PABPC4L: variants seen among roughly 807,000 people sequenced by gnomAD.
PABPC4L encodes the protein polyadenylate-binding protein 4-like.
For synonymous variants in PABPC4L, 169 were observed against 164.1 expected (o/e 1.03, Z -0.23); for missense variants, 452 against 451.4 (o/e 1.00, Z -0.01).
At chr4:134,065,340 T>TG in the PABPC4L span, among the ~76,000 whole-genome samples, 106,801 of 151,778 alleles carry the variant, frequency 0.7, 37,999 homozygotes, top group East Asian at 0.95. Context: ...ATTTATCTAA[T>TG]ATTAGTGATG....
At chr4:134,172,746 G>C in the PABPC4L span, among the ~76,000 whole-genome samples, 4 of 151,836 alleles carry the variant, frequency 2.6e-5, no homozygotes, top group African/African-American at 9.7e-5. Context: ...AATGAAATCT[G>C]CAGATCCAAT....
the PABPC4L span, among the ~76,000 whole-genome samples, chr4:133,992,770 A>C: frequency 1.3e-5 from 2 of 152,156 alleles, no homozygotes; most frequent in African/African-American, 4.8e-5. Context: ...CAAGGAACAA[A>C]TTATGTGGAG....
At chr4:134,020,790 T>G in the PABPC4L span, among the ~76,000 whole-genome samples, 16 of 152,124 alleles carry the variant, frequency 1.1e-4, no homozygotes, top group Admixed American at 1.0e-3. Flanking sequence ...AAAGATAGAT[T>G]TTAAAAAGAG....
the PABPC4L span, among the ~76,000 whole-genome samples, chr4:134,184,994 T>C: frequency 1.3e-5 from 2 of 152,052 alleles, no homozygotes; most frequent in Non-Finnish European, 2.9e-5. Context: ...AGATGTCTTC[T>C]GCCTATTTTT....
At chr4:134,038,099 G>T in the PABPC4L span, among the ~76,000 whole-genome samples, 1 of 152,034 alleles carries the variant, frequency 6.6e-6, no homozygotes, top group African/African-American at 2.4e-5. Flanking sequence ...TTTGTCATGG[G>T]TCCTGTTTAT....
At chr4:134,156,226 T>A in the PABPC4L span, among the ~76,000 whole-genome samples, 1 of 152,006 alleles carries the variant, frequency 6.6e-6, no homozygotes. Context: ...AATCTCGACC[T>A]AAGGGATCAC....
rs1729871444 is a variant in PABPC4L, at chr4:134,201,243, G to C, written c.-224C>G. On this transcript the variant is annotated splice_region_variant and 5_prime_UTR_variant, in exon 2 of 2. Coordinates refer to ENST00000421491, the MANE Select transcript of PABPC4L (RefSeq NM_001114734.2). Reference sequence around the variant, plus strand: ...CTGGCCCTCCTAGGACGCGGCAACAGAACTGTGAAATCGCAAAGAGAGATT... The same window carrying C: ...CTGGCCCTCCTAGGACGCGGCAACACAACTGTGAAATCGCAAAGAGAGATT... The C allele has an allele frequency of 2.6e-6, 4 of 1,527,488 alleles. No individual in the cohort carries two copies. Among genetic ancestry groups the C allele is most frequent in the Non-Finnish European group, 2.6e-6 (3 of 1,134,586 alleles). The allele number at this position is 1,527,488 out of a possible 1,614,324, so 94.6% of individuals were successfully genotyped here. A position where few individuals can be genotyped will look rare whatever the true frequency, so the allele number is the denominator to read the frequency against.
chr4:134,063,681 T>C, the PABPC4L span, among the ~76,000 whole-genome samples: 1 of 152,060 alleles, frequency 6.6e-6, no homozygotes, highest in Non-Finnish European at 1.5e-5. Context: ...ATGCTAATTT[T>C]AAATACTTGT....
the PABPC4L span, among the ~76,000 whole-genome samples, chr4:133,960,529 G>T: frequency 6.6e-6 from 1 of 152,304 alleles, no homozygotes; most frequent in African/African-American, 2.4e-5. Context: ...GTCTTCAGTT[G>T]AACTTTGTAA....
the PABPC4L span, among the ~76,000 whole-genome samples, chr4:134,173,377 A>G: frequency 2.0e-5 from 3 of 152,064 alleles, no homozygotes; most frequent in Non-Finnish European, 4.4e-5. Context: ...ACATATACAC[A>G]TTATAATCAC....
the PABPC4L span, among the ~76,000 whole-genome samples, chr4:134,076,069 C>CA: frequency 2.7e-5 from 4 of 150,126 alleles, no homozygotes; most frequent in African/African-American, 9.8e-5. Flanking sequence ...CACACACTAC[C>CA]TTTTTTTTTG....
At chr4:134,018,817 A>G in the PABPC4L span, among the ~76,000 whole-genome samples, 1 of 152,148 alleles carries the variant, frequency 6.6e-6, no homozygotes, top group African/African-American at 2.4e-5. Context: ...AAAGTAGGAA[A>G]CTATGAATGA....
At chr4:134,101,317 CAG>C in the PABPC4L span, among the ~76,000 whole-genome samples, 1 of 151,444 alleles carries the variant, frequency 6.6e-6, no homozygotes, top group African/African-American at 2.4e-5. Context: ...TTAATAATAT[CAG>C]AGAATACTCA....
chr4:133,992,105 C>T, the PABPC4L span, among the ~76,000 whole-genome samples: 1 of 152,148 alleles, frequency 6.6e-6, no homozygotes, highest in African/African-American at 2.4e-5. Context: ...TCTGGGATGT[C>T]CCATCCCCCC....
the PABPC4L span, among the ~76,000 whole-genome samples, chr4:134,035,174 A>G: frequency 6.6e-6 from 1 of 151,970 alleles, no homozygotes; most frequent in Non-Finnish European, 1.5e-5. Flanking sequence ...AGTGTTTTTA[A>G]TTAATGTATG....
At chr4:134,111,586 T>C in the PABPC4L span, among the ~76,000 whole-genome samples, 2 of 151,932 alleles carry the variant, frequency 1.3e-5, no homozygotes, top group African/African-American at 4.8e-5. Flanking sequence ...AATCTTGATA[T>C]GATATAAATT....
the PABPC4L span, among the ~76,000 whole-genome samples, chr4:134,052,854 T>G: frequency 1.6e-3 from 250 of 152,252 alleles, 1 homozygote; most frequent in Non-Finnish European, 2.9e-3. Context: ...GTGTGTGTGT[T>G]TAAGTTTTAG....
At chr4:134,046,498 G>A in the PABPC4L span, among the ~76,000 whole-genome samples, 1 of 151,228 alleles carries the variant, frequency 6.6e-6, no homozygotes, top group African/African-American at 2.4e-5. Flanking sequence ...GGAGATGGAG[G>A]CCTTCCTCTT....
the PABPC4L span, among the ~76,000 whole-genome samples, chr4:134,142,930 T>C: frequency 6.6e-6 from 1 of 151,726 alleles, no homozygotes; most frequent in East Asian, 1.9e-4. Context: ...ATTATCTCCG[T>C]CCTTGTGGAG....
Sources: gnomAD v4.1 joint callset for allele counts (sites outside exome capture counted in the v4.1 genomes callset) on GRCh38, gnomAD v4.1.1 for gene constraint, MANE v1.5 for transcripts, NCBI Gene and HGNC (gene_info 2026-07-23, HGNC 2026-07-21) for gene names.